UGT2B4: variants seen among roughly 807,000 people sequenced by gnomAD.
UGT2B4 encodes the protein UDP glucuronosyltransferase family 2 member B4.
UGT2B4 carries 49 observed loss-of-function variants against 49.8 expected under a neutral mutation model. The observed-to-expected ratio is 0.98, with a 90% CI of 0.78 to 1.25. The LOEUF (loss-of-function observed/expected upper bound fraction) is 1.25, where lower values mean the gene tolerates loss of function less well. Ranked by LOEUF, UGT2B4 falls within the 50% of genes most tolerant of loss-of-function variation. The pLI is 0.00. For synonymous variants in UGT2B4, 246 were observed against 217.7 expected, an observed-to-expected ratio of 1.13 and a Z score of -1.14; for missense variants, 729 against 627.7, an observed-to-expected ratio of 1.16 and a Z score of -1.73.
At chr4:69,516,647 C>T (rs1728740923) in intron 1 of UGT2B4, among the ~76,000 whole-genome samples, 1 of 151,934 alleles carries the variant, frequency 6.6e-6, no homozygotes, top group Non-Finnish European at 1.5e-5. Context: ...TGCTCTGTTG[C>T]CCAGGCTGGA....
intron 1 of UGT2B4, among the ~76,000 whole-genome samples, chr4:69,514,249 C>CCACA (rs1295639255): frequency 6.6e-6 from 1 of 152,088 alleles, no homozygotes. Context: ...CTCCCACAAC[C>CCACA]CACGACAGGC....
At chr4:69,485,925 T>A (rs1727767980) in intron 4 of UGT2B4, among the ~76,000 whole-genome samples, 1 of 152,034 alleles carries the variant, frequency 6.6e-6, no homozygotes, top group South Asian at 2.1e-4. Context: ...CATGCCCAGT[T>A]AATTTTTTGT....
At chr4:69,502,754 A>T (rs1350937750) in intron 1 of UGT2B4, among the ~76,000 whole-genome samples, 1 of 152,048 alleles carries the variant, frequency 6.6e-6, no homozygotes, top group Non-Finnish European at 1.5e-5. Context: ...CTGTGGTGGA[A>T]TTTACCTTGC....
At chr4:69,525,548 T>C (rs950497285) in intron 1 of UGT2B4, 3 of 240,958 alleles carry the variant, frequency 1.2e-5, no homozygotes, top group African/African-American at 7.0e-5. Context: ...TAAATAATTA[T>C]AAATTTTTGG....
At chr4:69,521,377 C>A (rs2109834701) in intron 1 of UGT2B4, among the ~76,000 whole-genome samples, 1 of 152,314 alleles carries the variant, frequency 6.6e-6, no homozygotes, top group Non-Finnish European at 1.5e-5. Flanking sequence ...CTCTGCAGTT[C>A]CTGATGTCTC....
chr4:69,484,844 C>T (rs573836657), intron 5 of UGT2B4, among the ~76,000 whole-genome samples: 18 of 152,016 alleles, frequency 1.2e-4, no homozygotes, highest in Non-Finnish European at 2.6e-4. Flanking sequence ...AGTGAGAAAA[C>T]AGATATACTT....
intron 2 of UGT2B4, among the ~76,000 whole-genome samples, chr4:69,493,106 T>A (rs985720221): frequency 1.5e-4 from 23 of 152,250 alleles, no homozygotes; most frequent in African/African-American, 5.5e-4. Flanking sequence ...CTTTGAGTCT[T>A]GAGAACTGTC....
chr4:69,505,459 C>T (rs769921959), intron 1 of UGT2B4, among the ~76,000 whole-genome samples: 17 of 151,308 alleles, frequency 1.1e-4, no homozygotes, highest in South Asian at 2.1e-4. Flanking sequence ...AAACAAAAAA[C>T]GAAAAAGAGA....
chr4:69,483,993 G>T (rs2018304), intron 5 of UGT2B4, among the ~76,000 whole-genome samples: 1 of 151,966 alleles, frequency 6.6e-6, no homozygotes, highest in Non-Finnish European at 1.5e-5. Flanking sequence ...ATGTTTCAAA[G>T]ATTAAAATAG....
chr4:69,485,609 G>A (rs965825469), intron 4 of UGT2B4, among the ~76,000 whole-genome samples, 182 bp from the exon 5 acceptor site: 3 of 152,106 alleles, frequency 2.0e-5, no homozygotes, highest in Non-Finnish European at 4.4e-5. Flanking sequence ...GCTATGTGGT[G>A]TGTTTAACTT....
chr4:69,493,696 C>G lies in UGT2B4; in HGVS notation c.867G>C (p.Pro289=), dbSNP rs772557481. The G allele has an allele frequency of 6.2e-7, 1 of 1,605,428 alleles. No homozygotes were observed. The highest frequency in any genetic ancestry group is 8.5e-7 in the Non-Finnish European group (1 of 1,177,216). ...AAAACAAACAGTAATAGTTTACCTTCGGTAGGGGTTTGGCAGGTTTGCAGT... is the reference window on the plus strand; with the variant it reads ...AAAACAAACAGTAATAGTTTACCTTGGGTAGGGGTTTGGCAGGTTTGCAGT... The part of the protein sequence containing the change: ...GLHCKPAKPL[P]KEMEEFVQSS... Residue 289 remains proline (P), a synonymous_variant, in exon 2 of 6, where the codon CCG becomes CCC. Coordinates refer to ENST00000305107, the MANE Select transcript of UGT2B4 (RefSeq NM_021139.3).
chr4:69,502,047 G>T (rs149118088), intron 1 of UGT2B4, among the ~76,000 whole-genome samples: 3 of 148,918 alleles, frequency 2.0e-5, no homozygotes, highest in African/African-American at 5.0e-5. Context: ...ATCCTGCCTT[G>T]TCTCTCTTTC....
intron 1 of UGT2B4, chr4:69,518,469 T>C (rs751897388): frequency 2.0e-5 from 3 of 152,180 alleles, no homozygotes; most frequent in Non-Finnish European, 4.4e-5. Flanking sequence ...AAATGACAAT[T>C]TAGGCAAACC....
At chr4:69,499,381 C>T (rs958473377), upstream of UGT2B4, among the ~76,000 whole-genome samples, 7 of 152,164 alleles carry the variant, frequency 4.6e-5, no homozygotes, top group African/African-American at 1.7e-4. Flanking sequence ...GTCACGTCCA[C>T]TTGATCCAGA....
At chr4:69,507,858 G>T (rs904850006) in intron 1 of UGT2B4, among the ~76,000 whole-genome samples, 7 of 152,132 alleles carry the variant, frequency 4.6e-5, no homozygotes, top group African/African-American at 1.7e-4. Flanking sequence ...ATTGACAAAT[G>T]ACATCTAACT....
chr4:69,513,013 A>G (rs1408680928), intron 1 of UGT2B4, among the ~76,000 whole-genome samples: 2 of 151,968 alleles, frequency 1.3e-5, no homozygotes, highest in Admixed American at 1.3e-4. Context: ...ATTGCAAAAA[A>G]TTTCTCCCAT....
chr4:69,492,748 T>C (rs1381401370), intron 2 of UGT2B4, among the ~76,000 whole-genome samples: 2 of 152,054 alleles, frequency 1.3e-5, no homozygotes, highest in Admixed American at 1.3e-4. Flanking sequence ...TTGTATTAAC[T>C]TTTTTCCACA....
At position 69,502,095 on chromosome 4, in the gene UGT2B4, T is replaced by C. The variant is rs536274732; in HGVS notation, c.-105-6129A>G. 1.1e-3 allele frequency among the ~76,000 whole-genome samples: 87 copies of C among 82,362 alleles called. 1 individual carries two copies. Among genetic ancestry groups the C allele is most frequent in the African/African-American group, 4.2e-3 (75 of 17,790 alleles). 54.0% of individuals were successfully genotyped at this position (82,362 alleles called of 152,430 possible). Reference sequence around the variant, plus strand: ...CTTTTCTTTCTTTCTTTCTCTCTCTTTCTTTCTTTCTTTCTTTCTTTCTTT... The same window carrying C: ...CTTTTCTTTCTTTCTTTCTCTCTCTCTCTTTCTTTCTTTCTTTCTTTCTTT... On this transcript the variant is annotated intron_variant, in intron 1 of 1. Transcript: ENST00000510114.
chr4:69,504,303 C>T (rs375973934), intron 1 of UGT2B4, among the ~76,000 whole-genome samples: 4 of 152,018 alleles, frequency 2.6e-5, no homozygotes, highest in African/African-American at 7.2e-5. Context: ...TACATTGTAA[C>T]CCAAAAACAA....
Sources: allele counts gnomAD v4.1 joint callset (sites outside exome capture counted in the v4.1 genomes callset), GRCh38; gene constraint gnomAD v4.1.1; transcripts MANE v1.5; gene names NCBI Gene and HGNC (gene_info 2026-07-23, HGNC 2026-07-21).